Variants in SH2D4A observed in about 807,000 individuals in gnomAD.
The protein encoded by SH2D4A is SH2 domain-containing protein 4A.
SH2D4A carries 70 observed loss-of-function variants against 64.7 expected under a neutral mutation model. That is an observed-to-expected ratio of 1.08 (90% CI 0.89 to 1.32). The LOEUF (loss-of-function observed/expected upper bound fraction) is 1.32, where lower values mean the gene tolerates loss of function less well. SH2D4A is among the 40% of genes most tolerant of loss of function. The pLI, the probability that SH2D4A is intolerant of heterozygous loss-of-function variation, is 0.00. For synonymous variants in SH2D4A, 268 were observed against 200.7 expected (o/e 1.34, Z -2.83); for missense variants, 706 against 540.1 (o/e 1.31, Z -3.04).
intron 4 of SH2D4A, among the ~76,000 whole-genome samples, chr8:19,352,742 C>T (rs958062148): frequency 1.3e-5 from 2 of 152,148 alleles, no homozygotes; most frequent in Admixed American, 1.3e-4. Context: ...TGTGGCGGCT[C>T]ACACCTATAA....
chr8:19,348,124 C>G (rs192160970), intron 4 of SH2D4A, among the ~76,000 whole-genome samples: 6 of 152,232 alleles, frequency 3.9e-5, no homozygotes, highest in Admixed American at 2.0e-4. Context: ...GAAACAGGAT[C>G]TTGCTGTGTC....
intron 8 of SH2D4A, among the ~76,000 whole-genome samples, chr8:19,385,722 A>G (rs1175548019): frequency 1.3e-5 from 2 of 152,218 alleles, no homozygotes; most frequent in Non-Finnish European, 2.9e-5. Context: ...CACCCCCAAC[A>G]GAGCATATGT....
At chr8:19,368,895 A>C (rs1232474647) in intron 7 of SH2D4A, among the ~76,000 whole-genome samples, 1 of 152,142 alleles carries the variant, frequency 6.6e-6, no homozygotes, top group Non-Finnish European at 1.5e-5. Flanking sequence ...GAAAGTGGAC[A>C]TTCTTGTTTT....
rs147273172 is a variant in SH2D4A at position 19,327,334 on chromosome 8, G to A, written c.182-5621G>A. Among the ~76,000 whole-genome samples, 46 of 152,310 alleles carry A rather than the reference G, an allele frequency of 3.0e-4. No individual in the cohort carries two copies. In the South Asian group the frequency reaches 3.9e-3, roughly 13 times the overall value. ...TCACTCACCTCTGATTAAAGAGTGCGTGTAATTTTAAGGTGAAGCAGACAG... is the reference window on the plus strand; with the variant it reads ...TCACTCACCTCTGATTAAAGAGTGCATGTAATTTTAAGGTGAAGCAGACAG... On this transcript the variant is annotated intron_variant, in intron 2 of 9. Coordinates refer to ENST00000265807, the MANE Select transcript of SH2D4A (RefSeq NM_022071.4).
intron 9 of SH2D4A, among the ~76,000 whole-genome samples, chr8:19,394,040 C>T (rs2053544934): frequency 6.6e-6 from 1 of 152,076 alleles, no homozygotes; most frequent in Non-Finnish European, 1.5e-5. Context: ...TAGACAGTCC[C>T]ATCTGGAGGT....
chr8:19,313,749 T>C lies in SH2D4A; in HGVS notation c.-279T>C. ...ACGCCTCTGCCTTTCCCTCCCTCCC[T>C]TCCCCGACGGCTTCTGGCGGCCAAG... On this transcript the variant is annotated 5_prime_UTR_variant, in exon 1 of 10. Coordinates refer to ENST00000265807, the MANE Select transcript of SH2D4A (RefSeq NM_022071.4). The C allele has an allele frequency of 3.3e-6, 5 of 1,506,754 alleles. No homozygotes were observed. Among genetic ancestry groups the C allele is most frequent in the Non-Finnish European group, 4.4e-6 (5 of 1,132,882 alleles). 93.3% of individuals were successfully genotyped at this position (1,506,754 alleles called of 1,614,324 possible). A position where few individuals can be genotyped will look rare whatever the true frequency, so the allele number is the denominator to read the frequency against.
At chr8:19,376,847 C>T (rs1043888445) in intron 8 of SH2D4A, among the ~76,000 whole-genome samples, 3 of 152,094 alleles carry the variant, frequency 2.0e-5, no homozygotes, top group African/African-American at 7.2e-5. Flanking sequence ...GATTTAAGTT[C>T]TCAGAATGTA....
At position 19,393,360 on chromosome 8, in the gene SH2D4A, C is replaced by G. The variant is rs1278870523; in HGVS notation, c.1091C>G (p.Thr364Arg). 1.5e-5 allele frequency: 24 copies of G among 1,614,104 alleles called. No homozygotes were observed. The highest frequency in any genetic ancestry group is 2.0e-5 in the Non-Finnish European group (24 of 1,179,944). The stretch of plus-strand genomic sequence containing the variant: ...AAAGCAAATGAACTTCTTCTGAGCA[C>G]AGGCATGCCCGGCAGTTTTCTCATC... ...LKKANELLLS[T>R]GMPGSFLIRV... The change falls in exon 9 of 10, where the codon ACA becomes AGA. Residue 364 changes from threonine (T) to arginine (R), a missense_variant. Physicochemically the swap from Thr to Arg is moderately conservative, Grantham distance 71 (BLOSUM62 -1). Transcript: ENST00000265807.
At chr8:19,332,864 A>G in intron 2 of SH2D4A, 91 bp from the exon 3 acceptor site, 1 of 1,290,962 alleles carries the variant, frequency 7.7e-7, no homozygotes, top group Non-Finnish European at 1.1e-6. Context: ...TATATTTTCA[A>G]AGACCCAAAA....
intron 4 of SH2D4A, among the ~76,000 whole-genome samples, chr8:19,350,212 T>G (rs2052678633): frequency 6.6e-6 from 1 of 152,202 alleles, no homozygotes; most frequent in African/African-American, 2.4e-5. Flanking sequence ...ATTTCAGGCG[T>G]CTCCCTGGAT....
intron 7 of SH2D4A, among the ~76,000 whole-genome samples, chr8:19,365,599 T>G (rs1481511129): frequency 6.6e-6 from 1 of 152,242 alleles, no homozygotes; most frequent in Non-Finnish European, 1.5e-5. Context: ...CCACAGCATT[T>G]TGAAGGACAG....
intron 2 of SH2D4A, among the ~76,000 whole-genome samples, chr8:19,320,856 G>A (rs888240947): frequency 2.7e-4 from 41 of 152,080 alleles, no homozygotes; most frequent in Non-Finnish European, 4.7e-4. Context: ...ATTAAACCAG[G>A]AAAATAAAAT....
At position 19,393,486 on chromosome 8, in the gene SH2D4A, TG is replaced by T. The variant is rs746772546; in HGVS notation, c.1220del (p.Gly407AlafsTer86). ...GCCTCTGCAGACGCCTACAGCTTCC[TG>T]GGCGTGGACCAGCTACAGCATGCCA... is the stretch of plus-strand genomic sequence containing the variant. ...IDASADAYSF[L>X]GVDQLQHATL... On this transcript the variant is annotated frameshift_variant, in exon 9 of 10. Transcript: ENST00000265807. LOFTEE classifies it high-confidence loss of function. 2 of 1,614,246 alleles carry T rather than the reference TG, an allele frequency of 1.2e-6. No homozygotes were observed. The highest frequency in any genetic ancestry group is 4.5e-5 in the East Asian group (2 of 44,886).
chr8:19,356,736 A>T (rs2052797427), intron 4 of SH2D4A, among the ~76,000 whole-genome samples: 1 of 152,224 alleles, frequency 6.6e-6, no homozygotes. Context: ...CCAGGCAGGG[A>T]AACTGGGCAG....
intron 7 of SH2D4A, among the ~76,000 whole-genome samples, chr8:19,365,525 A>G (rs1195409892): frequency 1.3e-5 from 2 of 152,210 alleles, no homozygotes; most frequent in East Asian, 3.8e-4. Context: ...ATGTTTTTGC[A>G]GCTAACTCCT....
intron 7 of SH2D4A, 87 bp downstream of exon 7, chr8:19,364,369 G>A: frequency 6.8e-7 from 1 of 1,464,546 alleles, no homozygotes; most frequent in Non-Finnish European, 9.3e-7. Context: ...TGTATGAGCT[G>A]CCATGGGGTG....
intron 7 of SH2D4A, among the ~76,000 whole-genome samples, chr8:19,372,577 C>G (rs2053121873): frequency 6.6e-6 from 1 of 152,182 alleles, no homozygotes; most frequent in Non-Finnish European, 1.5e-5. Flanking sequence ...GCTTGTCTCC[C>G]AGCAGGTGCC....
chr8:19,357,233 C>A lies in SH2D4A; in HGVS notation c.544C>A (p.Gln182Lys), dbSNP rs771369074. 4.3e-6 allele frequency: 7 copies of A among 1,613,866 alleles called. No individual in the cohort carries two copies. The Admixed American group carries it at 1.2e-4, about 27-fold the overall frequency. ...CTCCAGTTCTTCAAGAAATATTCAA[C>A]AAATGTTGGCAGATTCAATCAATCG... Reference protein sequence around the residue: ...SLSSSSRNIQQMLADSINRMK... With the variant: ...SLSSSSRNIQKMLADSINRMK... Residue 182 changes from glutamine to lysine, a missense_variant, in exon 5 of 10, where the codon CAA becomes AAA. Transcript: ENST00000265807.
At chr8:19,383,327 T>C (rs1220930039) in intron 8 of SH2D4A, among the ~76,000 whole-genome samples, 1 of 152,098 alleles carries the variant, frequency 6.6e-6, no homozygotes, top group Non-Finnish European at 1.5e-5. Flanking sequence ...TGCTTAAATC[T>C]GCCTGTGAAT....
Sources: gnomAD v4.1 joint callset for allele counts (sites outside exome capture counted in the v4.1 genomes callset) on GRCh38, gnomAD v4.1.1 for gene constraint, MANE v1.5 for transcripts, NCBI Gene and HGNC (gene_info 2026-07-23, HGNC 2026-07-21) for gene names.